The following RFC3 variants were observed in gnomAD, a reference collection of about 807,000 sequenced individuals.
RFC3 encodes the protein replication factor C subunit 3, also known as A1 38 kDa subunit.
RFC3 carries 41 observed loss-of-function variants against 45.1 expected under a neutral mutation model. That is an observed-to-expected ratio of 0.91 (90% CI 0.71 to 1.18). The LOEUF (loss-of-function observed/expected upper bound fraction) is 1.18. RFC3 is among the 50% of genes most tolerant of loss of function. RFC3 has a pLI of 0.00. For synonymous variants in RFC3, 149 were observed against 144.0 expected (o/e 1.03, Z -0.25); for missense variants, 423 against 428.1 (o/e 0.99, Z 0.10).
intron 8 of RFC3, among the ~76,000 whole-genome samples, chr13:33,895,244 T>C: frequency 6.6e-6 from 1 of 152,180 alleles, no homozygotes; most frequent in Non-Finnish European, 1.5e-5. Context: ...ACTTACAAAG[T>C]ATATATCTGA....
intron 8 of RFC3, among the ~76,000 whole-genome samples, chr13:33,862,255 G>T (rs1175455400): frequency 2.3e-4 from 31 of 134,888 alleles, no homozygotes; most frequent in Non-Finnish European, 3.0e-4. Context: ...TCTCAGCAAA[G>T]TTTTTTTTTT....
chr13:33,865,545 C>T lies in RFC3; in HGVS notation c.879+30328C>T, dbSNP rs1209125289. On this transcript the variant is annotated intron_variant, in intron 8 of 8. Coordinates refer to the RFC3 transcript ENST00000434425. ...CAGGGAAATGAATTCTGAGGAAGCT[C>T]TACCAAGGAGGGAAAAGCATAATTA... 2.6e-5 allele frequency among the ~76,000 whole-genome samples: 4 copies of T among 152,280 alleles called. No individual in the cohort carries two copies. In the East Asian group the frequency reaches 7.7e-4, roughly 29 times the overall value.
chr13:33,964,578 A>G (rs1023905524), intron 8 of RFC3, among the ~76,000 whole-genome samples: 2 of 152,206 alleles, frequency 1.3e-5, no homozygotes, highest in African/African-American at 4.8e-5. Flanking sequence ...CCTGAGACAA[A>G]ACACATTTTC....
At chr13:33,906,917 G>A (rs2082675281) in intron 8 of RFC3, among the ~76,000 whole-genome samples, 1 of 151,984 alleles carries the variant, frequency 6.6e-6, no homozygotes, top group South Asian at 2.1e-4. Context: ...CAGCCTCTGT[G>A]TCCCGAGTTC....
At chr13:33,874,652 T>C (rs1037969364) in intron 8 of RFC3, among the ~76,000 whole-genome samples, 7 of 152,180 alleles carry the variant, frequency 4.6e-5, no homozygotes, top group East Asian at 3.9e-4. Context: ...AACTATCTGC[T>C]TTCTCCTTCC....
chr13:33,930,602 C>T (rs979306206), intron 8 of RFC3, among the ~76,000 whole-genome samples: 1 of 152,182 alleles, frequency 6.6e-6, no homozygotes, highest in East Asian at 1.9e-4. Context: ...AACACCCTCG[C>T]GGACACACCC....
chr13:33,831,223 T>G (rs770212945), intron 6 of RFC3, 33 bp from the exon 7 acceptor site: 4 of 1,340,070 alleles, frequency 3.0e-6, no homozygotes, highest in Non-Finnish European at 4.3e-6. Flanking sequence ...CACACTTCTG[T>G]TTAACTTCTT....
At chr13:33,900,084 G>T (rs1010342118) in intron 8 of RFC3, among the ~76,000 whole-genome samples, 3 of 151,928 alleles carry the variant, frequency 2.0e-5, no homozygotes, top group Admixed American at 6.6e-5. Context: ...AATTAATCTT[G>T]TTAAAATGAC....
chr13:33,887,448 T>C (rs1440722032), intron 8 of RFC3, among the ~76,000 whole-genome samples: 2 of 152,308 alleles, frequency 1.3e-5, no homozygotes, highest in South Asian at 4.1e-4. Context: ...GAGAAGTGTC[T>C]GTTCATGTCC....
At chr13:33,860,763 C>T (rs1032194884) in intron 8 of RFC3, among the ~76,000 whole-genome samples, 7 of 152,120 alleles carry the variant, frequency 4.6e-5, no homozygotes. Context: ...CTTTGGCAAC[C>T]GCCAATTAAC....
intron 8 of RFC3, among the ~76,000 whole-genome samples, chr13:33,876,942 A>G (rs1251525947): frequency 2.0e-5 from 3 of 152,234 alleles, no homozygotes; most frequent in Non-Finnish European, 4.4e-5. Flanking sequence ...CCTGGTGTCT[A>G]TATAAATGCA....
Position 33,836,209 on chromosome 13 carries a change from A to G in RFC3, c.985A>G (p.Ile329Val), listed in dbSNP as rs745971681. ...TCGTCTACAGCTGGGTAGCAAAGCC[A>G]TTTATCACTTGGAAGCGTTTGTGGC... ...EHRLQLGSKA[I>V]YHLEAFVAKF... is the part of the protein sequence containing the mutation. Residue 329 changes from isoleucine (I) to valine (V), a missense_variant, in exon 9 of 9, where the codon ATT (isoleucine) becomes GTT (valine). Transcript: ENST00000380071. The G allele has an allele frequency of 8.1e-6, 13 of 1,613,470 alleles. No individual in the cohort carries two copies. The highest frequency in any genetic ancestry group is 1.3e-5 in the African/African-American group (1 of 74,888).
chr13:33,919,261 A>C (rs572052258), intron 8 of RFC3, among the ~76,000 whole-genome samples: 16 of 152,196 alleles, frequency 1.1e-4, no homozygotes, highest in South Asian at 2.1e-4. Flanking sequence ...ATTAGAAGAC[A>C]TGTATTTGAC....
chr13:33,954,956 T>C (rs760287280), intron 8 of RFC3, among the ~76,000 whole-genome samples: 1 of 152,188 alleles, frequency 6.6e-6, no homozygotes, highest in Admixed American at 6.5e-5. Context: ...AATATTGATG[T>C]CTCTCCAGCA....
intron 2 of RFC3, 23 bp from the exon 3 acceptor site, chr13:33,823,894 A>G: frequency 2.3e-6 from 3 of 1,330,122 alleles, no homozygotes; most frequent in East Asian, 2.4e-5. Flanking sequence ...AAATGTTAAA[A>G]ATATCTTTTT....
intron 8 of RFC3, chr13:33,965,961 CG>C (rs1566045530): frequency 3.0e-6 from 2 of 667,008 alleles, no homozygotes; most frequent in African/African-American, 3.6e-5. Context: ...TTAATTCATT[CG>C]TAGCTTGCTC....
At chr13:33,831,790 A>T (rs1442746868) in intron 7 of RFC3, among the ~76,000 whole-genome samples, 1 of 152,164 alleles carries the variant, frequency 6.6e-6, no homozygotes, top group African/African-American at 2.4e-5. Context: ...ACTCCTAGCT[A>T]AGTGTTCTTG....
rs112921767 is a variant in RFC3 at position 33,818,159 on chromosome 13, C to G, written c.-20C>G. 3.1e-6 allele frequency: 5 copies of G among 1,606,120 alleles called. No homozygotes were observed. The African/African-American group carries it at 4.0e-5, about 13-fold the overall frequency. On this transcript the variant is annotated 5_prime_UTR_variant, in exon 1 of 9. Transcript: ENST00000380071. ...TCGCGCGGGATTTTCAAGCGTAGGCCCCCGGGAACTCGAGCTGCCATGAGC... is the reference window on the plus strand; with the variant it reads ...TCGCGCGGGATTTTCAAGCGTAGGCGCCCGGGAACTCGAGCTGCCATGAGC...
chr13:33,876,827 C>T (rs2137583634), intron 8 of RFC3, among the ~76,000 whole-genome samples: 1 of 152,302 alleles, frequency 6.6e-6, no homozygotes, highest in South Asian at 2.1e-4. Flanking sequence ...CTGAACTTGG[C>T]CAGATCGAGC....
Sources: allele counts gnomAD v4.1 joint callset (sites outside exome capture counted in the v4.1 genomes callset), GRCh38; gene constraint gnomAD v4.1.1; transcripts MANE v1.5; gene names NCBI Gene and HGNC (gene_info 2026-07-23, HGNC 2026-07-21).